MTUS2: variants seen among roughly 807,000 people sequenced by gnomAD.
MTUS2 encodes microtubule associated scaffold protein 2.
A neutral mutation model predicts 114.1 loss-of-function variants in MTUS2; 40 were observed. The observed-to-expected ratio is 0.35, with a 90% CI of 0.27 to 0.46. The LOEUF (loss-of-function observed/expected upper bound fraction) is 0.46. Ranked by LOEUF, MTUS2 falls within the 20% of genes least tolerant of loss-of-function variation. The pLI is 1.00. For missense variants in MTUS2, 1,679 were observed against 1,705.4 expected, an observed-to-expected ratio of 0.98 and a Z score of 0.27; for synonymous variants, 688 against 672.0, an observed-to-expected ratio of 1.02 and a Z score of -0.37.
chr13:28,920,739 C>A (rs57625533), intron 2 of MTUS2, among the ~76,000 whole-genome samples: 22 of 152,182 alleles, frequency 1.4e-4, no homozygotes, highest in African/African-American at 5.3e-4. Context: ...TGTTCTACTG[C>A]GGCTAAGCTA....
chr13:28,913,659 T>C (rs1443852329), intron 2 of MTUS2, among the ~76,000 whole-genome samples: 3 of 152,172 alleles, frequency 2.0e-5, no homozygotes, highest in Admixed American at 6.5e-5. Flanking sequence ...TCCTTCCTTT[T>C]CAATTGTTGG....
chr13:28,824,727 G>T (rs1470507966), intron 1 of MTUS2, among the ~76,000 whole-genome samples: 1 of 151,262 alleles, frequency 6.6e-6, no homozygotes, highest in Non-Finnish European at 1.5e-5. Flanking sequence ...CATAGGCCAG[G>T]CACTTTTACA....
At chr13:29,238,765 C>A (rs938103227) in intron 5 of MTUS2, among the ~76,000 whole-genome samples, 2 of 152,168 alleles carry the variant, frequency 1.3e-5, no homozygotes, top group African/African-American at 4.8e-5. Context: ...TACTTTGCAT[C>A]CTTCAATCCA....
chr13:29,163,795 C>T (rs1893200052), intron 5 of MTUS2, among the ~76,000 whole-genome samples: 1 of 152,166 alleles, frequency 6.6e-6, no homozygotes, highest in Non-Finnish European at 1.5e-5. Context: ...GCAACCTATG[C>T]ATGAGACACT....
intron 8 of MTUS2, among the ~76,000 whole-genome samples, chr13:29,420,247 CTTTCTTTCTTTCTT>C (rs1489501449): frequency 6.8e-6 from 1 of 147,646 alleles, no homozygotes; most frequent in African/African-American, 2.6e-5. Context: ...TACTTTCTTT[CTTTCTTTCTTTCTT>C]TTTCTTTCTT....
At chr13:28,860,477 G>A (rs2138063415) in intron 2 of MTUS2, among the ~76,000 whole-genome samples, 1 of 152,328 alleles carries the variant, frequency 6.6e-6, no homozygotes, top group Admixed American at 6.5e-5. Context: ...TGAAACCAGT[G>A]GAGAAATCCA....
chr13:29,156,305 C>T (rs377587196), intron 5 of MTUS2, among the ~76,000 whole-genome samples: 3 of 152,238 alleles, frequency 2.0e-5, no homozygotes, highest in African/African-American at 7.2e-5. Flanking sequence ...GTCAGAAGTT[C>T]ATGGGTGTCA....
chr13:29,076,095 G>T (rs1283965476), intron 4 of MTUS2, among the ~76,000 whole-genome samples: 1 of 152,094 alleles, frequency 6.6e-6, no homozygotes, highest in Non-Finnish European at 1.5e-5. Context: ...TCAATTTTCT[G>T]CTATTCATTA....
chr13:28,882,336 C>G (rs1033686063), intron 2 of MTUS2, among the ~76,000 whole-genome samples: 3 of 152,124 alleles, frequency 2.0e-5, no homozygotes, highest in Admixed American at 6.5e-5. Context: ...GTGTGAGCCA[C>G]CACGCCCGGC....
chr13:29,322,048 T>C (rs1191236639), intron 6 of MTUS2, among the ~76,000 whole-genome samples: 2 of 152,214 alleles, frequency 1.3e-5, no homozygotes, highest in African/African-American at 4.8e-5. Flanking sequence ...TGTTTTTGCA[T>C]ACTTGTAGAA....
intron 2 of MTUS2, among the ~76,000 whole-genome samples, chr13:28,982,315 C>T (rs1884393325): frequency 6.6e-6 from 1 of 150,798 alleles, no homozygotes; most frequent in Admixed American, 6.6e-5. Flanking sequence ...CAGTGAGCTA[C>T]TACTTCACAC....
chr13:29,306,029 C>G (rs972041503), intron 6 of MTUS2, among the ~76,000 whole-genome samples: 2 of 152,164 alleles, frequency 1.3e-5, no homozygotes, highest in Admixed American at 1.3e-4. Flanking sequence ...GAACTAAAGA[C>G]AAAACCCTCA....
At chr13:29,443,630 T>C (rs1420743249) in intron 9 of MTUS2, among the ~76,000 whole-genome samples, 2 of 152,160 alleles carry the variant, frequency 1.3e-5, no homozygotes, top group East Asian at 3.8e-4. Context: ...TGAGATTGCA[T>C]TGGTGAGAGA....
intron 5 of MTUS2, among the ~76,000 whole-genome samples, chr13:29,241,082 G>A (rs977087804): frequency 6.6e-6 from 1 of 152,114 alleles, no homozygotes; most frequent in Non-Finnish European, 1.5e-5. Flanking sequence ...CATTTAATAT[G>A]TATCAAATAC....
rs994999429 is a variant in MTUS2, at chr13:29,171,087, G to C, written c.2644+70117G>C. Reference sequence around the variant, plus strand: ...TGCATATTCTTACAAAGATAACCTGGAAACACAGGATCTCATTTAGCAGGA... The same window carrying C: ...TGCATATTCTTACAAAGATAACCTGCAAACACAGGATCTCATTTAGCAGGA... On this transcript the variant is annotated intron_variant, in intron 5 of 15. Transcript: ENST00000612955. Among the ~76,000 whole-genome samples the C allele has an allele frequency of 3.3e-5, 5 of 152,024 alleles. No individual in the cohort carries two copies. In the South Asian group the frequency reaches 1.0e-3, roughly 32 times the overall value.
chr13:29,401,696 C>T (rs1034981641), intron 8 of MTUS2, among the ~76,000 whole-genome samples: 7 of 152,042 alleles, frequency 4.6e-5, no homozygotes, highest in East Asian at 1.9e-4. Context: ...TTTTTTGTTC[C>T]GTGGATCAGC....
chr13:29,303,629 G>T (rs1899306223), intron 6 of MTUS2, among the ~76,000 whole-genome samples: 1 of 152,158 alleles, frequency 6.6e-6, no homozygotes, highest in African/African-American at 2.4e-5. Flanking sequence ...TGAAAAATAT[G>T]AGATTATGTA....
intron 5 of MTUS2, among the ~76,000 whole-genome samples, chr13:29,139,469 A>C (rs536512020): frequency 9.9e-5 from 15 of 152,208 alleles, no homozygotes; most frequent in Non-Finnish European, 2.1e-4. Flanking sequence ...ACAGTATGTA[A>C]AACTATTCAT....
intron 2 of MTUS2, among the ~76,000 whole-genome samples, chr13:29,004,247 A>C (rs1409733536): frequency 6.6e-6 from 1 of 152,220 alleles, no homozygotes; most frequent in Non-Finnish European, 1.5e-5. Context: ...AAAAGATTTC[A>C]GAAAACAATT....
Sources: gnomAD v4.1 joint callset for allele counts (sites outside exome capture counted in the v4.1 genomes callset) on GRCh38, gnomAD v4.1.1 for gene constraint, MANE v1.5 for transcripts, NCBI Gene and HGNC (gene_info 2026-07-23, HGNC 2026-07-21) for gene names.